Variants in LCK observed in about 807,000 individuals in gnomAD.
The protein encoded by LCK is tyrosine-protein kinase Lck.
In LCK, 14 loss-of-function variants were observed where a neutral mutation model predicts 64.6. The observed-to-expected ratio is 0.22, with a 90% CI of 0.14 to 0.34. LCK has a LOEUF of 0.34. Ranked by LOEUF, LCK falls within the 10% of genes least tolerant of loss-of-function variation. LCK has a pLI of 1.00. For missense variants in LCK, 434 were observed against 668.1 expected, an observed-to-expected ratio of 0.65 and a Z score of 3.86; for synonymous variants, 277 against 263.6, an observed-to-expected ratio of 1.05 and a Z score of -0.49.
At chr1:32,259,932 G>A (rs981145986) in intron 1 of LCK, among the ~76,000 whole-genome samples, 3 of 152,030 alleles carry the variant, frequency 2.0e-5, no homozygotes, top group Admixed American at 2.0e-4. Flanking sequence ...GAATAGCTAA[G>A]GCTCTTTATT....
chr1:32,273,286 GTGTT>G (rs1173857011), intron 1 of LCK, among the ~76,000 whole-genome samples: 1 of 150,032 alleles, frequency 6.7e-6, no homozygotes, highest in Non-Finnish European at 1.5e-5. Context: ...GTGAGTGTGT[GTGTT>G]TATGTGAAAG....
rs1443973811 is a variant in LCK at position 32,274,788 on chromosome 1, G to A, written c.157G>A (p.Gly53Ser). ...GCGGGACCCACTGGTTACCTACGAA[G>A]GCTCCAATCCGCCGGCTTCCCCACT... ...EVRDPLVTYE[G>S]SNPPASPLQD... Residue 53 changes from glycine to serine, a missense_variant, in exon 3 of 13, where the codon GGC (glycine) becomes AGC (serine). Physicochemically the swap from Gly to Ser is moderately conservative, Grantham distance 56 (BLOSUM62 0). Coordinates refer to ENST00000336890, the MANE Select transcript of LCK (RefSeq NM_005356.5). 1 of 1,613,286 alleles carries A rather than the reference G, an allele frequency of 6.2e-7. No individual in the cohort carries two copies. Among genetic ancestry groups the A allele is most frequent in the South Asian group, 1.1e-5 (1 of 90,984 alleles).
intron 1 of LCK, among the ~76,000 whole-genome samples, chr1:32,259,240 T>TA (rs1639703548): frequency 3.2e-5 from 3 of 93,582 alleles, no homozygotes; most frequent in Non-Finnish European, 6.5e-5. Context: ...CTACAAAAAT[T>TA]AAAAAAATAC....
chr1:32,274,177 T>C (rs1640184699), intron 1 of LCK, 148 bp from the exon 2 acceptor site: 1 of 1,486,532 alleles, frequency 6.7e-7, no homozygotes, highest in Non-Finnish European at 8.9e-7. Context: ...CCCCCTATTT[T>C]AGCTTTTCTG....
chr1:32,283,288 C>CAAAA (rs888361880), intron 12 of LCK, among the ~76,000 whole-genome samples: 2 of 53,728 alleles, frequency 3.7e-5, no homozygotes, highest in African/African-American at 1.3e-4. Context: ...GACTCTGTCT[C>CAAAA]AAAAAAAAAA....
intron 1 of LCK, among the ~76,000 whole-genome samples, chr1:32,267,854 A>G (rs1293987231): frequency 1.3e-5 from 2 of 150,486 alleles, no homozygotes; most frequent in African/African-American, 4.9e-5. Context: ...AGATCACACC[A>G]TTGCACTCCA....
At chr1:32,268,527 A>G (rs894128549) in intron 1 of LCK, among the ~76,000 whole-genome samples, 65 of 151,906 alleles carry the variant, frequency 4.3e-4, no homozygotes, top group Non-Finnish European at 8.8e-5. Flanking sequence ...GGTGATGGAT[A>G]GCTCATTTAT....
At chr1:32,271,693 A>T (rs1236361975) in intron 1 of LCK, among the ~76,000 whole-genome samples, 5 of 152,198 alleles carry the variant, frequency 3.3e-5, no homozygotes, top group Non-Finnish European at 5.9e-5. Context: ...ATAAAATTGG[A>T]GATTAGGCTT....
intron 1 of LCK, among the ~76,000 whole-genome samples, chr1:32,252,872 TCCCTGGATTCTGTTCCTTGGGTACCA>T (rs1357616576): frequency 9.2e-4 from 140 of 152,264 alleles, no homozygotes; most frequent in African/African-American, 3.3e-3. Context: ...AAGGTCACTA[TCCCTGGATTCTGTTCCTTGGGTACCA>T]CGAGGGCAGA....
intron 1 of LCK, among the ~76,000 whole-genome samples, chr1:32,273,137 C>T (rs1324833567): frequency 1.8e-5 from 1 of 56,672 alleles, no homozygotes; most frequent in Non-Finnish European, 3.3e-5. Context: ...AGAGTGGGTG[C>T]CTGTGTGTGG....
In LCK at chr1:32,276,031, C is replaced by T. The variant is rs1211345541; in HGVS notation, c.599C>T (p.Pro200Leu). The T allele has an allele frequency of 6.2e-7, 1 of 1,614,012 alleles. No homozygotes were observed. The highest frequency in any genetic ancestry group is 1.3e-5 in the African/African-American group (1 of 74,900). Residue 200 changes from proline to leucine, a missense_variant, in exon 7 of 13, where the codon CCC becomes CTC. Around this residue, in one of 2 missense-constraint regions of LCK, gnomAD observed 233 missense variants for 291.2 expected, o/e 0.80. Coordinates refer to ENST00000336890, the MANE Select transcript of LCK (RefSeq NM_005356.5). The surrounding 1 kb of genome is among the most constrained non-coding windows in gnomAD (Gnocchi z 4.6). ...TACATCTCCCCTCGAATCACTTTTC[C>T]CGGCCTGCATGAACTGGTCCGCCAT... ...GFYISPRITF[P>L]GLHELVRHYT...
intron 1 of LCK, among the ~76,000 whole-genome samples, chr1:32,270,443 G>A (rs931482677): frequency 2.0e-5 from 3 of 151,284 alleles, no homozygotes; most frequent in African/African-American, 7.3e-5. Context: ...CATCCAGGCT[G>A]GAGTGCAGTG....
At position 32,269,576 on chromosome 1, in the gene LCK, G is replaced by A. The variant is rs538772157; in HGVS notation, c.-5-4749G>A. On this transcript the variant is annotated intron_variant, in intron 1 of 12. Coordinates refer to ENST00000336890, the MANE Select transcript of LCK (RefSeq NM_005356.5). ...AGCCTCCCAAGAAGCTGGGATTACA[G>A]GCGCGCACCACCACGCCCAGCTAAT... 2.6e-5 allele frequency: 4 copies of A among 151,916 alleles called. No homozygotes were observed. In the East Asian group the frequency reaches 7.9e-4, roughly 30 times the overall value. The allele number at this position is 151,916 out of a possible 1,614,324, so 9.4% of individuals were successfully genotyped here. A position where few individuals can be genotyped will look rare whatever the true frequency, so the allele number is the denominator to read the frequency against.
intron 1 of LCK, among the ~76,000 whole-genome samples, chr1:32,263,028 C>T (rs1055601129): frequency 6.6e-6 from 1 of 152,070 alleles, no homozygotes; most frequent in African/African-American, 2.4e-5. Context: ...CTGCCTCTGA[C>T]TAGGGCATGT....
At chr1:32,252,464 G>A (rs1389042041) in intron 1 of LCK, among the ~76,000 whole-genome samples, 1 of 152,212 alleles carries the variant, frequency 6.6e-6, no homozygotes, top group East Asian at 1.9e-4. Flanking sequence ...CTTCGTTGGA[G>A]TTTTTCTTGA....
At position 32,286,010 on chromosome 1, in the gene LCK, T is replaced by A. The variant is rs1427702415; in HGVS notation, c.*294T>A. On this transcript the variant is annotated 3_prime_UTR_variant, in exon 13 of 13. Coordinates refer to ENST00000336890, the MANE Select transcript of LCK (RefSeq NM_005356.5). ...ACAGAGAGAGGGGAGAAGCCTGGGA[T>A]TGACAGAAGCTTCTGCCCACCTACT... The A allele has an allele frequency of 2.2e-6, 1 of 449,052 alleles. No individual in the cohort carries two copies. The highest frequency in any genetic ancestry group is 4.1e-6 in the Non-Finnish European group (1 of 246,316). The allele number at this position is 449,052 out of a possible 1,614,324, so 27.8% of individuals were successfully genotyped here. A position where few individuals can be genotyped will look rare whatever the true frequency, so the allele number is the denominator to read the frequency against.
chr1:32,274,188 T>C, intron 1 of LCK, 137 bp from the exon 2 acceptor site: 1 of 1,509,064 alleles, frequency 6.6e-7, no homozygotes, highest in South Asian at 1.3e-5. Flanking sequence ...AGCTTTTCTG[T>C]GGCTGGTGAA....
intron 1 of LCK, among the ~76,000 whole-genome samples, chr1:32,270,201 C>A (rs1480388063): frequency 1.3e-5 from 2 of 151,722 alleles, no homozygotes; most frequent in Non-Finnish European, 2.9e-5. Context: ...CTCACTGCAA[C>A]CTCCACCTCT....
At chr1:32,259,183 G>A (rs1365327419) in intron 1 of LCK, among the ~76,000 whole-genome samples, 2 of 150,328 alleles carry the variant, frequency 1.3e-5, no homozygotes, top group Non-Finnish European at 2.9e-5. Context: ...GATTGCTTAA[G>A]CTCAGGAGTT....
Sources: allele counts gnomAD v4.1 joint callset (sites outside exome capture counted in the v4.1 genomes callset), GRCh38; gene constraint gnomAD v4.1.1; regional missense constraint gnomAD v4.1.1; non-coding constraint Gnocchi (gnomAD v3.1); transcripts MANE v1.5; gene names NCBI Gene and HGNC (gene_info 2026-07-23, HGNC 2026-07-21).